The following DMXL1 variants were observed in gnomAD, a reference collection of about 807,000 sequenced individuals.
DMXL1 encodes Dmx like 1.
A neutral mutation model predicts 319.2 loss-of-function variants in DMXL1; 99 were observed. The observed-to-expected ratio is 0.31, with a 90% CI of 0.26 to 0.37. The LOEUF (loss-of-function observed/expected upper bound fraction) is 0.37, where lower values mean the gene tolerates loss of function less well. Among genes scored for constraint, DMXL1 ranks in the 10% least tolerant of loss-of-function variants. The pLI, the probability that DMXL1 is intolerant of heterozygous loss-of-function variation, is 1.00. For missense variants in DMXL1, 3,745 were observed against 3,595.6 expected, an observed-to-expected ratio of 1.04 and a Z score of -1.06; for synonymous variants, 1,385 against 1,235.2, an observed-to-expected ratio of 1.12 and a Z score of -2.54.
At chr5:119,166,892 C>A in intron 22 of DMXL1, 111 bp downstream of exon 22, 2 of 794,820 alleles carry the variant, frequency 2.5e-6, no homozygotes, top group Non-Finnish European at 3.8e-6. Flanking sequence ...AACACAAGGC[C>A]AAATATCTGA....
At chr5:119,122,545 A>G (rs1192307249) in intron 9 of DMXL1, among the ~76,000 whole-genome samples, 3 of 148,100 alleles carry the variant, frequency 2.0e-5, no homozygotes, top group African/African-American at 5.0e-5. Flanking sequence ...CACTTCTCAG[A>G]TGGGGCGGCT....
At chr5:119,227,199 C>G (rs1478995442) in intron 38 of DMXL1, among the ~76,000 whole-genome samples, 1 of 152,168 alleles carries the variant, frequency 6.6e-6, no homozygotes, top group Non-Finnish European at 1.5e-5. Flanking sequence ...TTTTATGTCA[C>G]ACTGGGTCAT....
At position 119,144,384 on chromosome 5, in the gene DMXL1, C is replaced by T. The variant is rs1338404861; in HGVS notation, c.2467-152C>T. The T allele has an allele frequency of 5.2e-6, 3 of 573,988 alleles. No individual in the cohort carries two copies. In the East Asian group the frequency reaches 9.3e-5, roughly 18 times the overall value. The allele number at this position is 573,988 out of a possible 1,614,324, so 35.6% of individuals were successfully genotyped here. A position where few individuals can be genotyped will look rare whatever the true frequency, so the allele number is the denominator to read the frequency against. ...AAATTTTTATATTCATCTGTTTAAT[C>T]TAATGGAGGTGCCATACGCTTACGT... On this transcript the variant is annotated intron_variant, in intron 14 of 43. Transcript: ENST00000539542.
intron 19 of DMXL1, chr5:119,154,753 A>G (rs1770628890): frequency 6.5e-6 from 1 of 153,014 alleles, no homozygotes; most frequent in Admixed American, 6.5e-5. Flanking sequence ...AAAAGGACAG[A>G]TTTTTAAAGT....
At chr5:119,078,196 T>G (rs1418740843) in intron 1 of DMXL1, among the ~76,000 whole-genome samples, 2 of 152,156 alleles carry the variant, frequency 1.3e-5, no homozygotes, top group East Asian at 3.9e-4. Context: ...CCAGGGCTAG[T>G]CTGGAACTTC....
In DMXL1 at chr5:119,171,977, T is replaced by C; in HGVS notation, c.6681+8T>C. ...GATATCCAAAGCAATAAAGTAAGTATGCTTGGTTTCAAGCTTTTACTTCAT... is the reference window on the plus strand; with the variant it reads ...GATATCCAAAGCAATAAAGTAAGTACGCTTGGTTTCAAGCTTTTACTTCAT... On this transcript the variant is annotated splice_region_variant and intron_variant, in intron 25 of 43. Transcript: ENST00000539542. The C allele has an allele frequency of 1.2e-6, 2 of 1,601,616 alleles. No homozygotes were observed. The highest frequency in any genetic ancestry group is 2.3e-5 in the East Asian group (1 of 44,384).
chr5:119,118,717 T>G, intron 7 of DMXL1, 98 bp from the exon 8 acceptor site: 1 of 866,368 alleles, frequency 1.2e-6, no homozygotes, highest in Non-Finnish European at 1.8e-6. Flanking sequence ...CATTGGTACC[T>G]TAGTTGGTAC....
At chr5:119,173,774 G>GTATATATATATATATATATATATATA (rs1306952541) in intron 25 of DMXL1, among the ~76,000 whole-genome samples, 2 of 33,642 alleles carry the variant, frequency 5.9e-5, no homozygotes, top group South Asian at 2.3e-3. Context: ...ATATGTGTGT[G>GTATATATATATATATATATATATATA]TGTATATATA....
chr5:119,175,160 A>T (rs530143568), intron 25 of DMXL1, 101 bp from the exon 26 acceptor site: 1 of 807,022 alleles, frequency 1.2e-6, no homozygotes, highest in Admixed American at 3.2e-5. Context: ...AGAATCAAAA[A>T]TTTTTTCATT....
rs572855200 is a variant in DMXL1 at position 119,215,132 on chromosome 5, C to A, written c.7927-1769C>A. On this transcript the variant is annotated intron_variant, in intron 34 of 43. Transcript: ENST00000539542. Reference sequence around the variant, plus strand: ...AAGACAAGTTGATCCTCAAGTCAGCCAGAATGTTCAGCGAATACTGAAATT... The same window carrying A: ...AAGACAAGTTGATCCTCAAGTCAGCAAGAATGTTCAGCGAATACTGAAATT... 4.9e-4 allele frequency among the ~76,000 whole-genome samples: 74 copies of A among 152,256 alleles called. 2 individuals are homozygous for A. The South Asian group carries it at 0.013, about 26-fold the overall frequency.
At chr5:119,086,197 A>G (rs1215403323) in intron 1 of DMXL1, among the ~76,000 whole-genome samples, 1 of 152,192 alleles carries the variant, frequency 6.6e-6, no homozygotes, top group Non-Finnish European at 1.5e-5. Context: ...TTATGAAACC[A>G]TCAGATCTCG....
intron 2 of DMXL1, among the ~76,000 whole-genome samples, chr5:119,100,850 G>A (rs1265924596): frequency 1.5e-5 from 2 of 137,278 alleles, no homozygotes; most frequent in African/African-American, 5.4e-5. Flanking sequence ...CGTGAACTCG[G>A]CTCACTGCAA....
intron 38 of DMXL1, among the ~76,000 whole-genome samples, chr5:119,230,949 A>G (rs573306603): frequency 6.6e-6 from 1 of 152,322 alleles, no homozygotes; most frequent in East Asian, 1.9e-4. Context: ...ATGGGACAAG[A>G]TTACCCACCC....
intron 33 of DMXL1, among the ~76,000 whole-genome samples, chr5:119,205,298 G>T (rs1781554242): frequency 6.6e-6 from 1 of 152,002 alleles, no homozygotes; most frequent in African/African-American, 2.4e-5. Context: ...GTTGATTCAG[G>T]AATAGACTCA....
chr5:119,098,212 A>G, intron 2 of DMXL1, 108 bp downstream of exon 2: 1 of 1,319,390 alleles, frequency 7.6e-7, no homozygotes. Context: ...CTTTGTTTCA[A>G]AGATAGTGTA....
chr5:119,206,037 C>G lies in DMXL1; in HGVS notation c.7864-797C>G, dbSNP rs534612905. ...AAATTTTACAGTTTCTTCATCTGAC[C>G]CTAAAATCCTGGTTTTCTCAGATCT... On this transcript the variant is annotated intron_variant, in intron 33 of 43. Coordinates refer to ENST00000539542, the MANE Select transcript of DMXL1 (RefSeq NM_001290321.3). 5.3e-4 allele frequency among the ~76,000 whole-genome samples: 80 copies of G among 152,060 alleles called. 2 individuals carry two copies. In the South Asian group the frequency reaches 0.014, roughly 27 times the overall value.
intron 23 of DMXL1, among the ~76,000 whole-genome samples, chr5:119,169,186 C>G (rs1486817915): frequency 6.6e-6 from 1 of 152,176 alleles, no homozygotes; most frequent in Non-Finnish European, 1.5e-5. Context: ...CCCTGGCCCA[C>G]TTTCTTATAC....
intron 35 of DMXL1, among the ~76,000 whole-genome samples, chr5:119,219,966 A>G (rs911669737): frequency 1.4e-5 from 2 of 147,572 alleles, no homozygotes; most frequent in African/African-American, 5.0e-5. Flanking sequence ...TTCTCCCACT[A>G]TATTTCTGCC....
chr5:119,195,246 A>G (rs926199528), intron 30 of DMXL1, among the ~76,000 whole-genome samples: 3 of 152,224 alleles, frequency 2.0e-5, no homozygotes, highest in African/African-American at 4.8e-5. Context: ...CACTATGGAT[A>G]TATACCTGAA....
Sources: gnomAD v4.1 joint callset for allele counts (sites outside exome capture counted in the v4.1 genomes callset) on GRCh38, gnomAD v4.1.1 for gene constraint, MANE v1.5 for transcripts, NCBI Gene and HGNC (gene_info 2026-07-23, HGNC 2026-07-21) for gene names.